Variants in ZFP1 observed in about 807,000 individuals in gnomAD.
The protein encoded by ZFP1 is ZFP1 zinc finger protein, also known as zinc finger protein 1 homolog.
A neutral mutation model predicts 38.5 loss-of-function variants in ZFP1; 32 were observed. The observed-to-expected ratio is 0.83, with a 90% CI of 0.63 to 1.12. The LOEUF is 1.12. Among genes scored for constraint, ZFP1 ranks in the 50% most tolerant of loss-of-function variants. The probability of loss-of-function intolerance (pLI) is 0.00; values close to 1 mark genes in which losing one functional copy is unlikely to be tolerated. For missense variants in ZFP1, 616 were observed against 480.8 expected (o/e 1.28, Z -2.63); for synonymous variants, 245 against 168.8 (o/e 1.45, Z -3.50).
At chr16:75,156,580 CCCGTT>C (rs2037482505) in intron 2 of ZFP1, among the ~76,000 whole-genome samples, 2 of 152,174 alleles carry the variant, frequency 1.3e-5, no homozygotes, top group Admixed American at 1.3e-4. Flanking sequence ...TTACAGAAGT[CCCGTT>C]TGGGGAGGTT....
At chr16:75,119,287 A>G in the ZFP1 span, among the ~76,000 whole-genome samples, 2 of 152,308 alleles carry the variant, frequency 1.3e-5, no homozygotes, top group Non-Finnish European at 2.9e-5. Flanking sequence ...AGCTATCTTT[A>G]TGGCTCAAAC....
At chr16:75,120,818 G>A in the ZFP1 span, among the ~76,000 whole-genome samples, 1 of 151,678 alleles carries the variant, frequency 6.6e-6, no homozygotes, top group African/African-American at 2.4e-5. Context: ...AGTAGAGACG[G>A]GTTTCACCGT....
At chr16:75,156,719 T>A (rs551647029) in intron 2 of ZFP1, among the ~76,000 whole-genome samples, 1 of 152,204 alleles carries the variant, frequency 6.6e-6, no homozygotes, top group Non-Finnish European at 1.5e-5. Flanking sequence ...GCTATGCATT[T>A]TCTGCATCTT....
chr16:75,147,939 G>A (rs755629413), upstream of ZFP1, among the ~76,000 whole-genome samples: 2 of 152,168 alleles, frequency 1.3e-5, no homozygotes, highest in Non-Finnish European at 2.9e-5. Flanking sequence ...AACTATGTGA[G>A]GTGATGCACA....
chr16:75,121,797 T>C, the ZFP1 span, among the ~76,000 whole-genome samples: 12,004 of 152,282 alleles, frequency 0.079, 573 homozygotes, highest in Admixed American at 0.13. Flanking sequence ...CAAATATTTT[T>C]TCAAGTTTAT....
At chr16:75,131,801 T>C in the ZFP1 span, among the ~76,000 whole-genome samples, 1 of 151,532 alleles carries the variant, frequency 6.6e-6, no homozygotes. Flanking sequence ...CTGTCTCTAC[T>C]AAAAATACAA....
chr16:75,143,270 T>C, the ZFP1 span, among the ~76,000 whole-genome samples: 3 of 152,108 alleles, frequency 2.0e-5, no homozygotes, highest in Non-Finnish European at 2.9e-5. Flanking sequence ...AGATGGAGTC[T>C]CACTCTTGTT....
the ZFP1 span, among the ~76,000 whole-genome samples, chr16:75,126,750 T>A: frequency 6.6e-6 from 1 of 152,344 alleles, no homozygotes; most frequent in African/African-American, 2.4e-5. Context: ...TTTTGTAATA[T>A]CAAGTGTTTT....
upstream of ZFP1, among the ~76,000 whole-genome samples, chr16:75,143,495 C>T (rs954280882): frequency 6.6e-5 from 10 of 152,170 alleles, no homozygotes; most frequent in Non-Finnish European, 1.5e-4. Flanking sequence ...ATCTGCCCGC[C>T]TTGGCCCCCC....
intron 1 of ZFP1, among the ~76,000 whole-genome samples, chr16:75,150,134 T>G (rs1476584234): frequency 2.0e-5 from 3 of 152,082 alleles, no homozygotes; most frequent in Non-Finnish European, 2.9e-5. Context: ...TTAACTTCCC[T>G]TGTGACTTCA....
intron 2 of ZFP1, among the ~76,000 whole-genome samples, chr16:75,156,564 G>A (rs2037481588): frequency 6.6e-6 from 1 of 152,236 alleles, no homozygotes; most frequent in Non-Finnish European, 1.5e-5. Flanking sequence ...TGACTTTCCT[G>A]AGAGTTTACA....
intron 1 of ZFP1, among the ~76,000 whole-genome samples, chr16:75,149,564 T>C (rs192582796): frequency 7.1e-6 from 1 of 140,238 alleles, no homozygotes; most frequent in Admixed American, 7.0e-5. Flanking sequence ...TTTCTTTTTT[T>C]TTTTTTTTTT....
At position 75,169,742 on chromosome 16, in the gene ZFP1, C is replaced by T; in HGVS notation, c.632C>T (p.Pro211Leu). 6.2e-7 allele frequency: 1 copy of T among 1,613,110 alleles called. No homozygotes were observed. The change falls in exon 4 of 4, where the codon CCA becomes CTA. Residue 211 changes from proline to leucine, a missense_variant. Coordinates refer to ENST00000570010, the MANE Select transcript of ZFP1 (RefSeq NM_153688.4). ...SHKRIHTGEK[P>L]YECNVCKKTF... ...AAGAGAATACATACTGGAGAAAAGC[C>T]ATATGAATGCAATGTATGTAAGAAA...
chr16:75,146,775 C>A (rs1426493424), upstream of ZFP1, among the ~76,000 whole-genome samples: 2 of 151,672 alleles, frequency 1.3e-5, no homozygotes, highest in Non-Finnish European at 2.9e-5. Flanking sequence ...GCCATCTCTA[C>A]AAAAAATACA....
the ZFP1 span, among the ~76,000 whole-genome samples, chr16:75,142,774 C>G: frequency 2.6e-5 from 4 of 152,126 alleles, no homozygotes; most frequent in Admixed American, 1.3e-4. Context: ...GCGATCTCAG[C>G]TCACTGCAAC....
chr16:75,119,052 C>G, the ZFP1 span, among the ~76,000 whole-genome samples: 1 of 152,208 alleles, frequency 6.6e-6, no homozygotes, highest in Non-Finnish European at 1.5e-5. Context: ...CGTCTCAAGT[C>G]TCCCCAAAAT....
intron 2 of ZFP1, among the ~76,000 whole-genome samples, chr16:75,158,046 C>G (rs987146056): frequency 1.3e-5 from 2 of 151,902 alleles, no homozygotes; most frequent in African/African-American, 4.8e-5. Flanking sequence ...CCTCAGCCTC[C>G]CAAAGTTCTG....
chr16:75,121,452 G>T, the ZFP1 span, among the ~76,000 whole-genome samples: 1 of 152,018 alleles, frequency 6.6e-6, no homozygotes, highest in Non-Finnish European at 1.5e-5. Flanking sequence ...GTTTGATTTG[G>T]CATTCATCTT....
intron 2 of ZFP1, among the ~76,000 whole-genome samples, chr16:75,156,587 G>C (rs1373944640): frequency 6.6e-6 from 1 of 152,228 alleles, no homozygotes; most frequent in Non-Finnish European, 1.5e-5. Context: ...AGTCCCGTTT[G>C]GGGAGGTTAT....
Sources: gnomAD v4.1 joint callset for allele counts (sites outside exome capture counted in the v4.1 genomes callset) on GRCh38, gnomAD v4.1.1 for gene constraint, MANE v1.5 for transcripts, NCBI Gene and HGNC (gene_info 2026-07-23, HGNC 2026-07-21) for gene names.